C5orf52: variants seen among roughly 807,000 people sequenced by gnomAD.
The protein encoded by C5orf52 is chromosome 5 open reading frame 52, also known as uncharacterized protein C5orf52.
A neutral mutation model predicts 16.8 loss-of-function variants in C5orf52; 15 were observed. The ratio of observed to expected loss-of-function variants is 0.89; its 90% CI spans 0.60 to 1.38. The LOEUF is 1.38. Among genes scored for constraint, C5orf52 ranks in the 40% most tolerant of loss-of-function variants. The probability of loss-of-function intolerance (pLI) is 0.00; values close to 1 mark genes in which losing one functional copy is unlikely to be tolerated. For synonymous variants in C5orf52, 83 were observed against 87.2 expected (o/e 0.95, Z 0.27); for missense variants, 206 against 213.1 (o/e 0.97, Z 0.21).
chr5:157,677,287 T>C (rs562007111), intron 2 of C5orf52, among the ~76,000 whole-genome samples: 28 of 152,170 alleles, frequency 1.8e-4, no homozygotes, highest in African/African-American at 6.3e-4. Flanking sequence ...AGTGTCAAGG[T>C]TGAGAAACCC....
intron 1 of C5orf52, among the ~76,000 whole-genome samples, chr5:157,674,493 C>A (rs1252871755): frequency 6.6e-6 from 1 of 152,098 alleles, no homozygotes; most frequent in Non-Finnish European, 1.5e-5. Context: ...GCTGGGTGGG[C>A]GTGGTGGCAC....
chr5:157,675,012 C>G, intron 1 of C5orf52, 80 bp from the exon 2 acceptor site: 2 of 838,662 alleles, frequency 2.4e-6, no homozygotes, highest in Non-Finnish European at 3.9e-6. Flanking sequence ...CTCAGCCACT[C>G]CCTCAGGACC....
intron 2 of C5orf52, among the ~76,000 whole-genome samples, chr5:157,677,800 A>G (rs941543770): frequency 6.6e-6 from 1 of 152,044 alleles, no homozygotes; most frequent in Non-Finnish European, 1.5e-5. Context: ...CCTGGCCAAC[A>G]TGGTGAAACC....
In C5orf52 at chr5:157,676,861, C is replaced by CTTTTTTTTTTTTTTT. The variant is rs61514085; in HGVS notation, c.321+1670_321+1671insTTTTTTTTTTTTTTT. On this transcript the variant is annotated intron_variant, in intron 2 of 2. Coordinates refer to ENST00000409999, the MANE Select transcript of C5orf52 (RefSeq NM_001145132.2). The stretch of plus-strand genomic sequence containing the variant: ...CTTTGTATCCCCTTTTTTTAATTTC[C>CTTTTTTTTTTTTTTT]TTTTTTTTTCTTTTTTTTTTTTTTT... Among the ~76,000 whole-genome samples the CTTTTTTTTTTTTTTT allele has an allele frequency of 1.5e-5, 2 of 134,882 alleles. 1 individual carries two copies. Among genetic ancestry groups the CTTTTTTTTTTTTTTT allele is most frequent in the African/African-American group, 5.8e-5 (2 of 34,274 alleles). The allele number at this position is 134,882 out of a possible 152,430, so 88.5% of individuals were successfully genotyped here. A position where few individuals can be genotyped will look rare whatever the true frequency, so the allele number is the denominator to read the frequency against.
chr5:157,679,406 G>A (rs150119123), intron 2 of C5orf52, among the ~76,000 whole-genome samples: 3 of 152,194 alleles, frequency 2.0e-5, no homozygotes, highest in South Asian at 2.1e-4. Context: ...GTGCGGTCTC[G>A]GCTTACTGCA....
intron 2 of C5orf52, among the ~76,000 whole-genome samples, chr5:157,675,607 C>T (rs1314993662): frequency 6.6e-6 from 1 of 152,062 alleles, no homozygotes; most frequent in South Asian, 2.1e-4. Context: ...AATTCGAGAC[C>T]AGCCTGGCCA....
At chr5:157,678,396 G>GC (rs1759947193) in intron 2 of C5orf52, among the ~76,000 whole-genome samples, 1 of 152,174 alleles carries the variant, frequency 6.6e-6, no homozygotes, top group African/African-American at 2.4e-5. Context: ...GTTTCTACAT[G>GC]CCCCAAACCC....
chr5:157,677,453 C>T (rs932958829), intron 2 of C5orf52, among the ~76,000 whole-genome samples: 3 of 151,818 alleles, frequency 2.0e-5, no homozygotes, highest in East Asian at 1.9e-4. Context: ...GTTGGGAGTT[C>T]GAGACCAGCC....
chr5:157,674,961 T>A, intron 1 of C5orf52, 131 bp from the exon 2 acceptor site: 2 of 608,784 alleles, frequency 3.3e-6, no homozygotes, highest in Non-Finnish European at 5.9e-6. Flanking sequence ...CTTTTGAAAA[T>A]TATGACAGAG....
At chr5:157,671,869 C>G (rs1561594039) in intron 1 of C5orf52, 43 bp downstream of exon 1, 3 of 1,303,198 alleles carry the variant, frequency 2.3e-6, no homozygotes, top group Non-Finnish European at 3.1e-6. Context: ...CCCTCGGACC[C>G]GCGAGGGAAC....
In C5orf52 at chr5:157,675,193, A is replaced by C; in HGVS notation, c.314A>C (p.Glu105Ala). Residue 105 changes from glutamate (E) to alanine (A), a missense_variant, in exon 2 of 3, where the codon GAG becomes GCG. By Grantham distance (107) the Glu-to-Ala change is moderately radical. Coordinates refer to ENST00000409999, the MANE Select transcript of C5orf52 (RefSeq NM_001145132.2). ...HDNRITQRIY[E>A]MEVSALEKTK... ...AACCGCATCACACAACGAATCTATGAGATGGAGGTAAAGTAGCCACAAGCT... is the reference window on the plus strand; with the variant it reads ...AACCGCATCACACAACGAATCTATGCGATGGAGGTAAAGTAGCCACAAGCT... 1 of 1,538,780 alleles carries C rather than the reference A, an allele frequency of 6.5e-7. No homozygotes were observed.
intron 2 of C5orf52, among the ~76,000 whole-genome samples, chr5:157,677,411 T>C (rs1019093363): frequency 3.3e-5 from 5 of 152,106 alleles, no homozygotes; most frequent in Admixed American, 2.0e-4. Flanking sequence ...GCTCACGCAC[T>C]TTGGAAGGCC....
chr5:157,678,365 A>C (rs1194480181), intron 2 of C5orf52, among the ~76,000 whole-genome samples: 1 of 152,226 alleles, frequency 6.6e-6, no homozygotes, highest in Non-Finnish European at 1.5e-5. Context: ...GTACATTCCC[A>C]GGATCACCAC....
At chr5:157,675,345 A>G in intron 2 of C5orf52, 145 bp downstream of exon 2, 1 of 586,212 alleles carries the variant, frequency 1.7e-6, no homozygotes, top group Non-Finnish European at 3.0e-6. Flanking sequence ...CAGAGGAGGC[A>G]ATTGATACTC....
At chr5:157,674,286 C>T (rs911917246) in intron 1 of C5orf52, among the ~76,000 whole-genome samples, 1 of 152,122 alleles carries the variant, frequency 6.6e-6, no homozygotes, top group Non-Finnish European at 1.5e-5. Context: ...TTGCATTTCT[C>T]CCTGCTCTGA....
At position 157,671,762 on chromosome 5, in the gene C5orf52, G is replaced by GT; in HGVS notation, c.149dup (p.Gly51ArgfsTer27). Reference sequence around the variant, plus strand: ...ACTCGGCCGCCGCCCAGAAATCGGCGTAGGGGGTCAGCCGCAGATCTGCTT... The same window carrying GT: ...ACTCGGCCGCCGCCCAGAAATCGGCGTTAGGGGGTCAGCCGCAGATCTGCTT... On this transcript the variant is annotated frameshift_variant, in exon 1 of 3. Transcript: ENST00000409999. LOFTEE classifies it high-confidence loss of function. The GT allele has an allele frequency of 6.4e-7, 1 of 1,550,864 alleles. No homozygotes were observed. Among genetic ancestry groups the GT allele is most frequent in the Non-Finnish European group, 8.7e-7 (1 of 1,146,722 alleles).
chr5:157,671,460 C>T, upstream of C5orf52: 2 of 631,086 alleles, frequency 3.2e-6, no homozygotes, highest in South Asian at 4.0e-5. Flanking sequence ...CAGCCCCCGT[C>T]CCCTTCCCCG....
At position 157,671,704 on chromosome 5, in the gene C5orf52, C is replaced by T. The variant is rs1174303954; in HGVS notation, c.90C>T (p.Ser30=). 6.4e-7 allele frequency: 1 copy of T among 1,551,412 alleles called. No individual in the cohort carries two copies. Among genetic ancestry groups the T allele is most frequent in the South Asian group, 1.2e-5 (1 of 84,060 alleles). The change falls in exon 1 of 3, where the codon AGC becomes AGT. Residue 30 remains serine, a synonymous_variant. Coordinates refer to ENST00000409999, the MANE Select transcript of C5orf52 (RefSeq NM_001145132.2). The part of the protein sequence containing the change: ...GTAAQATTSS[S]ATSGSNYQRD... ...CCGCCCAGGCGACCACCAGTTCCAGCGCCACCTCGGGTTCGAACTACCAGC... is the reference window on the plus strand; with the variant it reads ...CCGCCCAGGCGACCACCAGTTCCAGTGCCACCTCGGGTTCGAACTACCAGC...
At chr5:157,676,959 C>T (rs1315583035) in intron 2 of C5orf52, among the ~76,000 whole-genome samples, 2 of 151,028 alleles carry the variant, frequency 1.3e-5, no homozygotes, top group Non-Finnish European at 2.9e-5. Flanking sequence ...GCCTCAACCT[C>T]CTGAGTTCAA....
Sources: gnomAD v4.1 joint callset for allele counts (sites outside exome capture counted in the v4.1 genomes callset) on GRCh38, gnomAD v4.1.1 for gene constraint, MANE v1.5 for transcripts, NCBI Gene and HGNC (gene_info 2026-07-23, HGNC 2026-07-21) for gene names.